Variants in PDHX observed in about 807,000 individuals in gnomAD.
PDHX encodes the protein pyruvate dehydrogenase complex component X.
PDHX carries 33 observed loss-of-function variants against 55.3 expected under a neutral mutation model. The ratio of observed to expected loss-of-function variants is 0.60; its 90% confidence interval spans 0.45 to 0.80. PDHX has a LOEUF of 0.80. Among genes scored for constraint, PDHX ranks in the 30% least tolerant of loss-of-function variants. PDHX has a pLI of 0.00. For synonymous variants in PDHX, 226 were observed against 219.4 expected, an observed-to-expected ratio of 1.03 and a Z score of -0.27; for missense variants, 622 against 619.9, an observed-to-expected ratio of 1.00 and a Z score of -0.04.
chr11:34,962,580 G>A (rs1289520829), intron 5 of PDHX, among the ~76,000 whole-genome samples: 1 of 152,122 alleles, frequency 6.6e-6, no homozygotes, highest in African/African-American at 2.4e-5. Context: ...GGATTAGAGA[G>A]GTAGATTTGG....
At chr11:34,940,536 G>A (rs534685717) in intron 2 of PDHX, among the ~76,000 whole-genome samples, 1 of 152,150 alleles carries the variant, frequency 6.6e-6, no homozygotes, top group South Asian at 2.1e-4. Context: ...TTTTTTTGGT[G>A]TACTATGGTT....
chr11:34,965,306 TC>T (rs1310793607), intron 5 of PDHX, among the ~76,000 whole-genome samples: 5 of 152,132 alleles, frequency 3.3e-5, no homozygotes, highest in Non-Finnish European at 5.9e-5. Context: ...CACTGACAGC[TC>T]CCAGAGGCCA....
intron 6 of PDHX, among the ~76,000 whole-genome samples, chr11:34,968,107 C>A (rs543911699): frequency 6.6e-6 from 1 of 151,896 alleles, no homozygotes; most frequent in East Asian, 1.9e-4. Flanking sequence ...CTCATCTCTA[C>A]AAAAAAATTT....
intron 4 of PDHX, among the ~76,000 whole-genome samples, chr11:34,959,363 A>G (rs1371954807): frequency 2.0e-5 from 3 of 151,612 alleles, no homozygotes; most frequent in South Asian, 2.1e-4. Flanking sequence ...CAAAACCACA[A>G]TGAGACACCC....
intron 3 of PDHX, among the ~76,000 whole-genome samples, chr11:34,949,765 G>C (rs1446594627): frequency 6.6e-6 from 1 of 152,050 alleles, no homozygotes; most frequent in Non-Finnish European, 1.5e-5. Flanking sequence ...CACCAATTAG[G>C]ATATTTGTGA....
chr11:34,969,691 A>G lies in PDHX; in HGVS notation c.817-448A>G, dbSNP rs1855214615. 2.0e-5 allele frequency among the ~76,000 whole-genome samples: 3 copies of G among 151,972 alleles called. No homozygotes were observed. The South Asian group carries it at 6.2e-4, about 32-fold the overall frequency. On this transcript the variant is annotated intron_variant, in intron 6 of 10. Transcript: ENST00000227868. The stretch of plus-strand genomic sequence containing the variant: ...TATTTGTAACAAAAGCTGCTTACAG[A>G]TGGTGTATGTCTATGTCTGTCTTCT...
intron 1 of PDHX, among the ~76,000 whole-genome samples, chr11:34,917,771 A>AT (rs918864533): frequency 3.9e-5 from 6 of 152,088 alleles, no homozygotes; most frequent in Admixed American, 2.6e-4. Context: ...AATTTATTTC[A>AT]TTTTTGGTGT....
chr11:34,971,345 A>G (rs1383437498), intron 7 of PDHX, among the ~76,000 whole-genome samples: 1 of 152,106 alleles, frequency 6.6e-6, no homozygotes, highest in African/African-American at 2.4e-5. Context: ...GTCTGGTATA[A>G]TGAATATAGA....
chr11:34,919,679 A>G (rs890616084), intron 1 of PDHX, among the ~76,000 whole-genome samples: 11 of 152,182 alleles, frequency 7.2e-5, no homozygotes, highest in African/African-American at 2.4e-4. Flanking sequence ...TACATATATT[A>G]ATTTGTTTAA....
chr11:34,966,858 CTT>C (rs375496238), intron 6 of PDHX, 44 bp downstream of exon 6: 144 of 1,261,308 alleles, frequency 1.1e-4, no homozygotes, highest in Admixed American at 1.6e-4. Flanking sequence ...TCTTGTTTTT[CTT>C]TTTTTTTTTG....
chr11:34,946,538 TC>T (rs1317505973), intron 2 of PDHX, among the ~76,000 whole-genome samples: 2 of 152,098 alleles, frequency 1.3e-5, no homozygotes, highest in Non-Finnish European at 2.9e-5. Flanking sequence ...TCCTACGCAG[TC>T]CCCCCTCGAT....
Position 34,937,281 on chromosome 11 carries a change from G to A in PDHX, c.241+5797G>A, listed in dbSNP as rs561368087. On this transcript the variant is annotated intron_variant, in intron 2 of 10. Transcript: ENST00000227868. ...TCTAAACAGATGGGGTAAAGCATCTGCTCTCTATCGGATATAATATTATAA... is the reference window on the plus strand; with the variant it reads ...TCTAAACAGATGGGGTAAAGCATCTACTCTCTATCGGATATAATATTATAA... Among the ~76,000 whole-genome samples, 4 of 149,956 alleles carry A rather than the reference G, an allele frequency of 2.7e-5. No homozygotes were observed. In the South Asian group the frequency reaches 8.4e-4, roughly 31 times the overall value.
At chr11:34,939,496 TG>T (rs1854420244) in intron 2 of PDHX, among the ~76,000 whole-genome samples, 1 of 136,744 alleles carries the variant, frequency 7.3e-6, no homozygotes, top group Non-Finnish European at 1.6e-5. Flanking sequence ...TGTGTGTGTG[TG>T]TGTGTGTGCA....
intron 1 of PDHX, among the ~76,000 whole-genome samples, chr11:34,930,503 GT>G (rs1378650735): frequency 6.6e-6 from 1 of 152,170 alleles, no homozygotes; most frequent in African/African-American, 2.4e-5. Flanking sequence ...ATGCTACAGT[GT>G]TTTGCTTGTT....
chr11:34,937,629 G>T (rs1320925356), intron 2 of PDHX, among the ~76,000 whole-genome samples: 1 of 152,162 alleles, frequency 6.6e-6, no homozygotes, highest in Admixed American at 6.5e-5. Context: ...ACAGAAATTT[G>T]AGAGTCATCA....
intron 9 of PDHX, among the ~76,000 whole-genome samples, chr11:34,986,322 A>AAAAAAAG (rs1564932992): frequency 6.8e-6 from 1 of 147,428 alleles, no homozygotes; most frequent in Non-Finnish European, 1.5e-5. Flanking sequence ...AAAAAAAAAA[A>AAAAAAAG]AAAAGAAAGG....
At chr11:34,984,845 G>T in intron 9 of PDHX, 117 bp downstream of exon 9, 1 of 966,440 alleles carries the variant, frequency 1.0e-6, no homozygotes, top group South Asian at 1.3e-5. Context: ...GTGTGAAGGG[G>T]AGAGTTATTT....
At position 34,966,632 on chromosome 11, in the gene PDHX, A is replaced by T. The variant is rs1283801942; in HGVS notation, c.642-8A>T. On this transcript the variant is annotated splice_region_variant and splice_polypyrimidine_tract_variant and intron_variant, in intron 5 of 10. Coordinates refer to ENST00000227868, the MANE Select transcript of PDHX (RefSeq NM_003477.3). Reference sequence around the variant, plus strand: ...AATTATGGTTATCTACTTTGCTCTTATTTCCAGGGATGCTCTCAAACTTGT... The same window carrying T: ...AATTATGGTTATCTACTTTGCTCTTTTTTCCAGGGATGCTCTCAAACTTGT... 6.2e-7 allele frequency: 1 copy of T among 1,613,712 alleles called. No individual in the cohort carries two copies. Among genetic ancestry groups the T allele is most frequent in the African/African-American group, 1.3e-5 (1 of 74,826 alleles).
chr11:34,970,813 A>G (rs754971881), intron 7 of PDHX, among the ~76,000 whole-genome samples: 9 of 152,218 alleles, frequency 5.9e-5, no homozygotes, highest in Non-Finnish European at 1.2e-4. Flanking sequence ...ACAAAATCTG[A>G]ATAAATTTTG....
Sources: gnomAD v4.1 joint callset for allele counts (sites outside exome capture counted in the v4.1 genomes callset) on GRCh38, gnomAD v4.1.1 for gene constraint, MANE v1.5 for transcripts, NCBI Gene and HGNC (gene_info 2026-07-23, HGNC 2026-07-21) for gene names.